REPS2: variants seen among roughly 807,000 people sequenced by gnomAD.
REPS2 encodes RALBP1 associated Eps domain containing 2, also known as ralBP1-associated Eps domain-containing protein 2.
In REPS2, 23 loss-of-function variants were observed where a neutral mutation model predicts 53.6. The observed-to-expected ratio is 0.43, with a 90% CI of 0.31 to 0.61. The LOEUF (loss-of-function observed/expected upper bound fraction) is 0.61. Among genes scored for constraint, REPS2 ranks in the 20% least tolerant of loss-of-function variants. REPS2 has a pLI of 0.11. For synonymous variants in REPS2, 238 were observed against 218.6 expected (o/e 1.09, Z -0.78); for missense variants, 446 against 534.9 (o/e 0.83, Z 1.64).
the REPS2 span, among the ~76,000 whole-genome samples, chrX:17,183,432 A>C: frequency 8.9e-6 from 1 of 112,780 alleles, no homozygotes; most frequent in South Asian, 3.6e-4. Flanking sequence ...AAAGTTGTAG[A>C]ATAAGTATAT....
Position 17,153,084 on chromosome X carries a change from T to C in REPS2, c.*5603T>C, listed in dbSNP as rs1296459615. 8.9e-6 allele frequency: 1 copy of C among 112,760 alleles called. No homozygotes were observed. The highest frequency in any genetic ancestry group is 1.9e-5 in the Non-Finnish European group (1 of 53,294). 9.3% of individuals were successfully genotyped at this position (112,760 alleles called of 1,213,427 possible). On this transcript the variant is annotated 3_prime_UTR_variant, in exon 18 of 18. Coordinates refer to ENST00000357277, the MANE Select transcript of REPS2 (RefSeq NM_004726.3). ...CATTTGCTAAGCATTGGGAACATTA[T>C]GTATATTGACCTTAAACATAGGTGT...
At chrX:17,119,062 A>C (rs1305903707) in intron 14 of REPS2, among the ~76,000 whole-genome samples, 2 of 112,514 alleles carry the variant, frequency 1.8e-5, no homozygotes, top group African/African-American at 6.5e-5. Flanking sequence ...TACAAATATT[A>C]ACTCATTTAA....
chrX:17,016,129 C>T (rs955935515), intron 2 of REPS2, among the ~76,000 whole-genome samples: 2 of 112,045 alleles, frequency 1.8e-5, no homozygotes, highest in African/African-American at 6.5e-5. Context: ...TGGTGTCTCT[C>T]TGTGGTTTTG....
At chrX:17,006,092 C>A in intron 1 of REPS2, 129 bp from the exon 2 acceptor site, 1 of 665,547 alleles carries the variant, frequency 1.5e-6, no homozygotes, top group Non-Finnish European at 2.3e-6. Context: ...CCAGTGGGCA[C>A]ACAGAGGTTC....
At chrX:17,103,940 A>G (rs182112856) in intron 14 of REPS2, among the ~76,000 whole-genome samples, 161 bp downstream of exon 14, 6 of 111,558 alleles carry the variant, frequency 5.4e-5, no homozygotes, top group African/African-American at 2.0e-4. Context: ...ATTCTCATCC[A>G]GCCAGCTCCC....
chrX:17,060,588 A>T (rs144389977), intron 8 of REPS2, among the ~76,000 whole-genome samples: 14 of 110,367 alleles, frequency 1.3e-4, no homozygotes, highest in African/African-American at 4.3e-4. Context: ...TTGGGCTGAG[A>T]TGTGAAGGCT....
At chrX:16,969,266 C>T (rs2060841178) in intron 1 of REPS2, among the ~76,000 whole-genome samples, 1 of 111,014 alleles carries the variant, frequency 9.0e-6, no homozygotes, top group Non-Finnish European at 1.9e-5. Flanking sequence ...AGAGGGGCTC[C>T]TCACATCCCA....
At chrX:17,056,335 C>T (rs759410693) in intron 8 of REPS2, among the ~76,000 whole-genome samples, 13 of 112,257 alleles carry the variant, frequency 1.2e-4, no homozygotes, top group African/African-American at 3.9e-4. Flanking sequence ...TAGGCACACC[C>T]GAGTGTCTCC....
At chrX:17,069,112 A>G (rs986447367) in intron 10 of REPS2, among the ~76,000 whole-genome samples, 1 of 112,237 alleles carries the variant, frequency 8.9e-6, no homozygotes, top group Non-Finnish European at 1.9e-5. Flanking sequence ...GTCCTTGCTC[A>G]TATACTGTCT....
intron 14 of REPS2, among the ~76,000 whole-genome samples, chrX:17,107,248 A>G (rs1025332267): frequency 1.8e-5 from 2 of 112,301 alleles, no homozygotes; most frequent in African/African-American, 6.5e-5. Context: ...CGGTTCATAG[A>G]TTGCTCAGAG....
At chrX:17,169,432 C>T in the REPS2 span, among the ~76,000 whole-genome samples, 38 of 111,546 alleles carry the variant, frequency 3.4e-4, no homozygotes, top group African/African-American at 1.2e-3. Context: ...GTAATCCCAG[C>T]ACTCTGGGGG....
At chrX:17,170,869 T>G in the REPS2 span, among the ~76,000 whole-genome samples, 1 of 113,089 alleles carries the variant, frequency 8.8e-6, no homozygotes, top group Non-Finnish European at 1.9e-5. Flanking sequence ...ACTTTGGAGC[T>G]GTGGCACTGC....
the REPS2 span, among the ~76,000 whole-genome samples, chrX:17,178,371 A>G: frequency 8.9e-6 from 1 of 112,366 alleles, no homozygotes; most frequent in Non-Finnish European, 1.9e-5. Flanking sequence ...CCAAAACTGT[A>G]AAAAGAAGAA....
chrX:16,997,907 G>A (rs2061251236), intron 1 of REPS2, among the ~76,000 whole-genome samples: 1 of 111,827 alleles, frequency 8.9e-6, no homozygotes, highest in Admixed American at 9.5e-5. Flanking sequence ...GCTGGGCACA[G>A]TGGTTCATGA....
chrX:17,184,650 G>A, the REPS2 span, among the ~76,000 whole-genome samples: 2 of 110,875 alleles, frequency 1.8e-5, no homozygotes, highest in Non-Finnish European at 3.8e-5. Flanking sequence ...CACCAACAGT[G>A]TAAAAGTGTT....
At position 17,006,357 on chromosome X, in the gene REPS2, C is replaced by T; in HGVS notation, c.397+13C>T. The T allele has an allele frequency of 8.3e-7, 1 of 1,203,346 alleles. No homozygotes were observed. Among genetic ancestry groups the T allele is most frequent in the South Asian group, 1.8e-5 (1 of 56,129 alleles). On this transcript the variant is annotated intron_variant, in intron 2 of 17. Coordinates refer to ENST00000357277, the MANE Select transcript of REPS2 (RefSeq NM_004726.3). Reference sequence around the variant, plus strand: ...AGTATTAAATGTGGTGAGTATCTCACATTTGTATGTTTTATTGTCCATGGC... The same window carrying T: ...AGTATTAAATGTGGTGAGTATCTCATATTTGTATGTTTTATTGTCCATGGC...
chrX:17,182,482 G>A, the REPS2 span, among the ~76,000 whole-genome samples: 235 of 110,823 alleles, frequency 2.1e-3, 2 homozygotes, highest in Admixed American at 4.9e-3. Flanking sequence ...TATGCAGTTG[G>A]CAGCTTTTTT....
intron 1 of REPS2, among the ~76,000 whole-genome samples, chrX:16,973,998 C>G (rs1038880110): frequency 4.5e-5 from 5 of 110,969 alleles, no homozygotes; most frequent in African/African-American, 1.6e-4. Context: ...TTATACAATT[C>G]TTTTATTCTT....
chrX:17,145,447 A>C (rs2063500138), intron 17 of REPS2, among the ~76,000 whole-genome samples: 1 of 111,211 alleles, frequency 9.0e-6, no homozygotes. Context: ...ATTAATTGCC[A>C]ACCCTCTCCT....
Sources: gnomAD v4.1 joint callset for allele counts (sites outside exome capture counted in the v4.1 genomes callset) on GRCh38, gnomAD v4.1.1 for gene constraint, MANE v1.5 for transcripts, NCBI Gene and HGNC (gene_info 2026-07-23, HGNC 2026-07-21) for gene names.